The following NTRK1 variants were observed in gnomAD, a reference collection of about 807,000 sequenced individuals.
The protein encoded by NTRK1 is neurotrophic receptor tyrosine kinase 1.
In NTRK1, 62 loss-of-function variants were observed where a neutral mutation model predicts 86.8. That is an observed-to-expected ratio of 0.71 (90% CI 0.58 to 0.88). The LOEUF (loss-of-function observed/expected upper bound fraction) is 0.88, where lower values mean the gene tolerates loss of function less well. Ranked by LOEUF, NTRK1 falls within the 40% of genes least tolerant of loss-of-function variation. NTRK1 has a pLI of 0.00. For synonymous variants in NTRK1, 469 were observed against 456.6 expected (o/e 1.03, Z -0.35); for missense variants, 967 against 1,078.4 (o/e 0.90, Z 1.45).
intron 2 of NTRK1, chr1:156,845,903 C>T (rs1339090428): frequency 1.9e-6 from 3 of 1,600,174 alleles, no homozygotes; most frequent in Admixed American, 3.5e-5. Context: ...GCCTCCATCT[C>T]CCCTTCCCCA....
chr1:156,838,450 G>T (rs1654656735), intron 1 of NTRK1, among the ~76,000 whole-genome samples: 1 of 151,542 alleles, frequency 6.6e-6, no homozygotes, highest in African/African-American at 2.4e-5. Flanking sequence ...CTGTATTTCA[G>T]TCGCTGCATT....
Position 156,873,814 on chromosome 1 carries a change from G to T in NTRK1, c.1032G>T (p.Gly344=). 6.2e-7 allele frequency: 1 copy of T among 1,612,744 alleles called. No homozygotes were observed. The highest frequency in any genetic ancestry group is 1.7e-4 in the Middle Eastern group (1 of 6,056). Residue 344 remains glycine (G), a synonymous_variant, in exon 8 of 17, where the codon GGG becomes GGT. Transcript: ENST00000524377. ...EPAANETVRH[G]CLRLNQPTHV... is the part of the protein sequence containing the mutation. ...CAGCCAATGAGACCGTGCGGCACGG[G>T]TGTCTGCGCCTCAACCAGCCCACCC...
At position 156,868,160 on chromosome 1, in the gene NTRK1, G is replaced by A. The variant is rs1647277922; in HGVS notation, c.485G>A (p.Trp162Ter). Reference sequence around the variant, plus strand: ...TGTGCCCTGCGCTGGCTACAGCGCTGGGAGGAGGAGGGACTGGGCGGAGTG... The same window carrying A: ...TGTGCCCTGCGCTGGCTACAGCGCTAGGAGGAGGAGGGACTGGGCGGAGTG... ...CSCALRWLQR[W>*]EEEGLGGVPE... Residue 162 changes from tryptophan to a stop codon, truncating the protein, a stop_gained, in exon 5 of 17, where the codon TGG (tryptophan) becomes TAG (stop). Transcript: ENST00000524377. LOFTEE classifies it high-confidence loss of function. 2 of 1,613,910 alleles carry A rather than the reference G, an allele frequency of 1.2e-6. No individual in the cohort carries two copies. The highest frequency in any genetic ancestry group is 1.7e-6 in the Non-Finnish European group (2 of 1,180,042).
upstream of NTRK1, chr1:156,860,702 A>G: frequency 1.5e-6 from 1 of 673,566 alleles, no homozygotes; most frequent in Non-Finnish European, 2.2e-6. Flanking sequence ...CTCGGGGAGA[A>G]GGCTGACGCT....
chr1:156,864,251 G>A, intron 1 of NTRK1, 103 bp from the exon 2 acceptor site: 1 of 1,065,452 alleles, frequency 9.4e-7, no homozygotes, highest in Non-Finnish European at 1.5e-6. Flanking sequence ...GCATATGCGT[G>A]TGCATGTGGC....
At chr1:156,868,283 G>C (rs765114634) in intron 5 of NTRK1, 34 bp downstream of exon 5, 4 of 1,601,642 alleles carry the variant, frequency 2.5e-6, no homozygotes, top group Non-Finnish European at 3.4e-6. Context: ...GTGTAAGGGG[G>C]CTGGGGAAGA....
At chr1:156,852,052 C>T (rs1655234035) in intron 2 of NTRK1, 1 of 1,613,584 alleles carries the variant, frequency 6.2e-7, no homozygotes, top group Non-Finnish European at 8.5e-7. Context: ...GGCAGGCCCA[C>T]AGGCAGGCAC....
intron 2 of NTRK1, chr1:156,845,375 TG>T (rs774377193): frequency 1.8e-5 from 29 of 1,577,254 alleles, no homozygotes; most frequent in Non-Finnish European, 2.2e-5. Flanking sequence ...TGCTCACCTT[TG>T]GGGGCTCTTG....
intron 1 of NTRK1, chr1:156,841,925 A>G: frequency 6.4e-7 from 1 of 1,560,324 alleles, no homozygotes; most frequent in Middle Eastern, 1.7e-4. Context: ...TAGGGGCTCA[A>G]TGGACCTCAG....
Position 156,879,380 on chromosome 1 carries a change from C to A in NTRK1, c.2046+18C>A, listed in dbSNP as rs1648114414. 1 of 1,588,116 alleles carries A rather than the reference C, an allele frequency of 6.3e-7. No individual in the cohort carries two copies. Among genetic ancestry groups the A allele is most frequent in the Non-Finnish European group, 8.5e-7 (1 of 1,170,028 alleles). On this transcript the variant is annotated intron_variant, in intron 15 of 16. Transcript: ENST00000524377. ...ATTACCGTGTAAGGGTCCTTTGTCCCCAACGCCTTCCCCTGCATCCAAACT... is the reference window on the plus strand; with the variant it reads ...ATTACCGTGTAAGGGTCCTTTGTCCACAACGCCTTCCCCTGCATCCAAACT...
In NTRK1 at chr1:156,879,184, G is replaced by A. The variant is rs1648099765; in HGVS notation, c.1868G>A (p.Gly623Asp). Residue 623 changes from glycine (G) to aspartate (D), a missense_variant, in exon 15 of 17, where the codon GGT becomes GAT. This residue lies in a region of NTRK1 where 637 missense variants were observed against 776.5 expected (regional missense o/e 0.82). Coordinates refer to ENST00000524377, the MANE Select transcript of NTRK1 (RefSeq NM_002529.4). ...GGEDVAPGPLGLGQLLAVASQ... is the reference protein window; with the variant it reads ...GGEDVAPGPLDLGQLLAVASQ... ...GAGGATGTGGCTCCAGGCCCCCTGG[G>A]TCTGGGGCAGCTGCTGGCCGTGGCT... The A allele has an allele frequency of 1.2e-6, 2 of 1,613,208 alleles. No homozygotes were observed. The highest frequency in any genetic ancestry group is 1.7e-6 in the Non-Finnish European group (2 of 1,179,244).
chr1:156,876,098 G>A lies in NTRK1; in HGVS notation c.1520G>A (p.Arg507His), dbSNP rs750477154. 1.4e-5 allele frequency: 23 copies of A among 1,614,076 alleles called. No individual in the cohort carries two copies. Among genetic ancestry groups the A allele is most frequent in the Admixed American group, 3.3e-5 (2 of 60,004 alleles). ...CCCTCAGGTGTTCACCACATCAAGC[G>A]CCGGGACATCGTGCTCAAGTGGGAG... ...FSDACVHHIK[R>H]RDIVLKWELG... Residue 507 changes from arginine (R) to histidine (H), a missense_variant, in exon 13 of 17, where the codon CGC becomes CAC. Arg to His is a conservative substitution (Grantham distance 29). Around this residue, in one of 2 missense-constraint regions of NTRK1, gnomAD observed 637 missense variants for 776.5 expected, o/e 0.82. Coordinates refer to ENST00000524377, the MANE Select transcript of NTRK1 (RefSeq NM_002529.4).
intron 2 of NTRK1, chr1:156,842,561 G>T: frequency 7.0e-7 from 1 of 1,427,014 alleles, no homozygotes; most frequent in Non-Finnish European, 9.9e-7. Flanking sequence ...GACCCATTTG[G>T]CCAAAATTCT....
At position 156,850,804 on chromosome 1, in the gene NTRK1, G is replaced by A. The variant is rs903286702; in HGVS notation, c.50+8611G>A. Among the ~76,000 whole-genome samples, 9 of 151,792 alleles carry A rather than the reference G, an allele frequency of 5.9e-5. No homozygotes were observed. In the South Asian group the frequency reaches 8.3e-4, roughly 14 times the overall value. On this transcript the variant is annotated intron_variant, in intron 2 of 16. Coordinates refer to the NTRK1 transcript ENST00000392302. ...ATTCCTGACCTCAAGTGATCCACCC[G>A]CCTCAGCCTCCCAAAGTGCAGGGAT...
At chr1:156,875,040 G>T (rs763716992) in intron 11 of NTRK1, 32 bp downstream of exon 11, 14 of 1,484,708 alleles carry the variant, frequency 9.4e-6, no homozygotes, top group Admixed American at 1.7e-5. Context: ...CTGTCTGTCT[G>T]TCTGTTCTCC....
Position 156,830,550 on chromosome 1 carries a change from CTTTTTTT to C in NTRK1, c.-63-11513_-63-11507del, listed in dbSNP as rs5778003. ...TTTCTAGAAGAGAGGTTGTGGGATT[CTTTTTTT>C]TTTTTTTTTTTTTTTTTGAGACAGA... On this transcript the variant is annotated intron_variant, in intron 1 of 16. Transcript: ENST00000392302. 2.9e-3 allele frequency among the ~76,000 whole-genome samples: 309 copies of C among 105,368 alleles called. 1 individual carries two copies. The highest frequency in any genetic ancestry group is 8.6e-3 in the Middle Eastern group (2 of 232). 69.1% of individuals were successfully genotyped at this position (105,368 alleles called of 152,430 possible). A position where few individuals can be genotyped will look rare whatever the true frequency, so the allele number is the denominator to read the frequency against.
intron 2 of NTRK1, chr1:156,845,985 C>G: frequency 1.2e-6 from 2 of 1,613,530 alleles, no homozygotes; most frequent in Non-Finnish European, 1.7e-6. Context: ...TAGAGGTCGC[C>G]GTCCTCTGCC....
At chr1:156,841,039 A>G (rs909058857) in intron 1 of NTRK1, 2 of 1,599,376 alleles carry the variant, frequency 1.3e-6, no homozygotes, top group Non-Finnish European at 1.7e-6. Flanking sequence ...TATGCTGTCC[A>G]GAATGTGTGT....
At position 156,863,245 on chromosome 1, in the gene NTRK1, C is replaced by T. The variant is rs181559541; in HGVS notation, c.213-1109C>T. On this transcript the variant is annotated intron_variant, in intron 1 of 16. Coordinates refer to ENST00000524377, the MANE Select transcript of NTRK1 (RefSeq NM_002529.4). The stretch of plus-strand genomic sequence containing the variant: ...TGTCTATCTCGCTTTCTGTAGCTCT[C>T]TGTCCTTATCTGTCTGTCTCCCTCC... Among the ~76,000 whole-genome samples, 318 of 152,288 alleles carry T rather than the reference C, an allele frequency of 2.1e-3. 1 individual carries two copies. The highest frequency in any genetic ancestry group is 3.4e-3 in the Non-Finnish European group (232 of 68,020).
Sources: allele counts gnomAD v4.1 joint callset (sites outside exome capture counted in the v4.1 genomes callset), GRCh38; gene constraint gnomAD v4.1.1; regional missense constraint gnomAD v4.1.1; transcripts MANE v1.5; gene names NCBI Gene and HGNC (gene_info 2026-07-23, HGNC 2026-07-21).